The following GRIA1 variants were observed in gnomAD, a reference collection of about 807,000 sequenced individuals.
GRIA1 encodes glutamate ionotropic receptor AMPA type subunit 1, also known as glutamate receptor 1.
GRIA1 carries 31 observed loss-of-function variants against 99.2 expected under a neutral mutation model. The observed-to-expected ratio is 0.31, with a 90% CI of 0.23 to 0.42. The LOEUF is 0.42. Ranked by LOEUF, GRIA1 falls within the 10% of genes least tolerant of loss-of-function variation. The pLI is 1.00. For missense variants in GRIA1, 782 were observed against 1,157.5 expected (o/e 0.68, Z 4.71); for synonymous variants, 438 against 432.4 (o/e 1.01, Z -0.16).
chr5:153,763,868 G>GGCATTCCCCACAATGGTT (rs1763344341), intron 11 of GRIA1, among the ~76,000 whole-genome samples: 1 of 152,134 alleles, frequency 6.6e-6, no homozygotes, highest in African/African-American at 2.4e-5. Flanking sequence ...ACACAATGGT[G>GGCATTCCCCACAATGGTT]GCATTCCCCA....
chr5:153,681,810 C>A (rs1054300507), intron 7 of GRIA1, among the ~76,000 whole-genome samples: 1 of 151,988 alleles, frequency 6.6e-6, no homozygotes, highest in African/African-American at 2.4e-5. Context: ...CTGAGGTGGG[C>A]AGATCACGAG....
At chr5:153,628,997 A>G (rs1752730252) in intron 2 of GRIA1, among the ~76,000 whole-genome samples, 1 of 152,124 alleles carries the variant, frequency 6.6e-6, no homozygotes, top group Non-Finnish European at 1.5e-5. Context: ...ACTGCAGCCA[A>G]ATCTTTTGTT....
At chr5:153,522,973 T>C (rs997345386) in intron 2 of GRIA1, among the ~76,000 whole-genome samples, 1 of 151,608 alleles carries the variant, frequency 6.6e-6, no homozygotes, top group Admixed American at 6.6e-5. Flanking sequence ...TTGTAGCAGC[T>C]CTCCTGTATA....
At chr5:153,520,189 A>G (rs930502305) in intron 2 of GRIA1, among the ~76,000 whole-genome samples, 6 of 151,966 alleles carry the variant, frequency 3.9e-5, no homozygotes, top group Admixed American at 1.3e-4. Flanking sequence ...CTTTTCTTTC[A>G]CCTCACTCTG....
Position 153,804,710 on chromosome 5 carries a change from C to CTTAT in GRIA1, c.2520+2222_2520+2225dup, listed in dbSNP as rs1336516385. Among the ~76,000 whole-genome samples the CTTAT allele has an allele frequency of 4.4e-3, 571 of 130,068 alleles. 5 individuals are homozygous for CTTAT. The highest frequency in any genetic ancestry group is 0.016 in the African/African-American group (538 of 34,434). 85.3% of individuals were successfully genotyped at this position (130,068 alleles called of 152,430 possible). A position where few individuals can be genotyped will look rare whatever the true frequency, so the allele number is the denominator to read the frequency against. ...CTTAGGTTTTAGTAACTCTCTGATC[C>CTTAT]TTATTAATTAATTAATTAATTAATT... On this transcript the variant is annotated intron_variant, in intron 15 of 15. Coordinates refer to ENST00000285900, the MANE Select transcript of GRIA1 (RefSeq NM_000827.4).
rs1491415058 is a variant in GRIA1 at position 153,607,068 on chromosome 5, T to TATATATATATATATATATATAA, written c.221-39859_221-39858insTATATATATATATATATATAAA. On this transcript the variant is annotated intron_variant, in intron 2 of 15. Transcript: ENST00000285900. Reference sequence around the variant, plus strand: ...ATATATATATATATATATATATATATAATCACAGTTTCTTTATCCACTCGT... The same window carrying TATATATATATATATATATATAA: ...ATATATATATATATATATATATATATATATATATATATATATATATAAAATCACAGTTTCTTTATCCACTCGT... Among the ~76,000 whole-genome samples, 888 of 140,262 alleles carry TATATATATATATATATATATAA rather than the reference T, an allele frequency of 6.3e-3. 20 individuals carry two copies. The highest frequency in any genetic ancestry group is 9.7e-3 in the Non-Finnish European group (620 of 63,888). 92.0% of individuals were successfully genotyped at this position (140,262 alleles called of 152,430 possible). A position where few individuals can be genotyped will look rare whatever the true frequency, so the allele number is the denominator to read the frequency against.
intron 14 of GRIA1, among the ~76,000 whole-genome samples, chr5:153,800,498 G>A (rs1171814042): frequency 6.6e-6 from 1 of 152,138 alleles, no homozygotes; most frequent in Admixed American, 6.5e-5. Flanking sequence ...CATTATAGAA[G>A]AGCAGGAGAA....
chr5:153,764,174 T>A (rs1763361588), intron 11 of GRIA1, among the ~76,000 whole-genome samples: 2 of 152,168 alleles, frequency 1.3e-5, no homozygotes, highest in Admixed American at 1.3e-4. Context: ...TATATATGTG[T>A]AAAAGGGAGT....
chr5:153,548,952 G>A (rs546610940), intron 2 of GRIA1, among the ~76,000 whole-genome samples: 1 of 148,562 alleles, frequency 6.7e-6, no homozygotes, highest in African/African-American at 2.4e-5. Flanking sequence ...ATTCCTTGAT[G>A]TAATATATCA....
At chr5:153,775,966 C>A (rs1057006228) in intron 13 of GRIA1, among the ~76,000 whole-genome samples, 3 of 151,868 alleles carry the variant, frequency 2.0e-5, no homozygotes, top group Admixed American at 6.6e-5. Flanking sequence ...CCAGAGAATT[C>A]ATTAATAGGT....
intron 2 of GRIA1, among the ~76,000 whole-genome samples, chr5:153,597,599 T>C (rs1764539156): frequency 6.6e-6 from 1 of 152,220 alleles, no homozygotes; most frequent in Non-Finnish European, 1.5e-5. Flanking sequence ...CCCTAGTACA[T>C]AGAAGCACTC....
chr5:153,673,529 T>A (rs1336935692), intron 5 of GRIA1, among the ~76,000 whole-genome samples: 1 of 152,206 alleles, frequency 6.6e-6, no homozygotes, highest in Admixed American at 6.5e-5. Context: ...AAATGATTAA[T>A]CAGTGAATAA....
At position 153,552,939 on chromosome 5, in the gene GRIA1, T is replaced by A. The variant is rs149706552; in HGVS notation, c.220+58874T>A. On this transcript the variant is annotated intron_variant, in intron 2 of 15. Transcript: ENST00000285900. ...TCCAGCTTTTCTTTTCCAAACAACC[T>A]TTTTCTGTAGAAACAGGGTCTTGCT... Among the ~76,000 whole-genome samples, 337 of 152,280 alleles carry A rather than the reference T, an allele frequency of 2.2e-3. 1 individual carries two copies. The highest frequency in any genetic ancestry group is 7.7e-3 in the African/African-American group (318 of 41,548).
At chr5:153,762,872 C>A (rs1032858083) in intron 11 of GRIA1, among the ~76,000 whole-genome samples, 1 of 152,166 alleles carries the variant, frequency 6.6e-6, no homozygotes, top group South Asian at 2.1e-4. Flanking sequence ...TATTTGTTTT[C>A]CTGAAACTTC....
intron 11 of GRIA1, among the ~76,000 whole-genome samples, chr5:153,739,034 C>T (rs970458069): frequency 3.3e-5 from 5 of 150,032 alleles, no homozygotes; most frequent in African/African-American, 1.2e-4. Context: ...TACCTTCATT[C>T]TTGTTTCCAC....
intron 11 of GRIA1, chr5:153,755,514 A>G (rs1253558644): frequency 6.6e-6 from 1 of 152,260 alleles, no homozygotes; most frequent in East Asian, 1.9e-4. Context: ...TGGAATCAAT[A>G]TAGTGACGTC....
At chr5:153,658,508 T>G (rs1164720312) in intron 5 of GRIA1, among the ~76,000 whole-genome samples, 1 of 152,206 alleles carries the variant, frequency 6.6e-6, no homozygotes, top group Non-Finnish European at 1.5e-5. Flanking sequence ...AAAAAAGACT[T>G]GCATGTTTCG....
At chr5:153,551,953 C>A (rs1455280199) in intron 2 of GRIA1, among the ~76,000 whole-genome samples, 28 of 152,020 alleles carry the variant, frequency 1.8e-4, no homozygotes, top group Non-Finnish European at 4.4e-5. Flanking sequence ...CAGAGAAAGC[C>A]CCCCCTCATC....
In GRIA1 at chr5:153,496,197, G is replaced by T. The variant is rs553837016; in HGVS notation, c.220+2132G>T. 3.9e-5 allele frequency among the ~76,000 whole-genome samples: 6 copies of T among 152,300 alleles called. No homozygotes were observed. The East Asian group carries it at 1.2e-3, about 29-fold the overall frequency. On this transcript the variant is annotated intron_variant, in intron 2 of 15. Coordinates refer to ENST00000285900, the MANE Select transcript of GRIA1 (RefSeq NM_000827.4). The stretch of plus-strand genomic sequence containing the variant: ...AACCTAAGACTTGATCTCTAATAGG[G>T]TTAATGACTGTTTATTAGGGAGACA...
Sources: gnomAD v4.1 joint callset for allele counts (sites outside exome capture counted in the v4.1 genomes callset) on GRCh38, gnomAD v4.1.1 for gene constraint, MANE v1.5 for transcripts, NCBI Gene and HGNC (gene_info 2026-07-23, HGNC 2026-07-21) for gene names.